ACTR3C: variants seen among roughly 807,000 people sequenced by gnomAD.
The protein encoded by ACTR3C is actin related protein 3C, also known as actin-related protein 3C.
Under a neutral mutation model 26.3 loss-of-function variants are expected in ACTR3C, and 18 were observed. That is an observed-to-expected ratio of 0.68 (90% CI 0.47 to 1.01). ACTR3C has a LOEUF of 1.01. Among genes scored for constraint, ACTR3C ranks in the 50% least tolerant of loss-of-function variants. The probability of loss-of-function intolerance (pLI) is 0.00; values close to 1 mark genes in which losing one functional copy is unlikely to be tolerated. For missense variants in ACTR3C, 184 were observed against 250.7 expected (o/e 0.73, Z 1.80); for synonymous variants, 55 against 94.5 (o/e 0.58, Z 2.42).
the ACTR3C span, among the ~76,000 whole-genome samples, chr7:149,892,867 A>G: frequency 3.2e-3 from 478 of 150,016 alleles, 4 homozygotes; most frequent in African/African-American, 0.011. Context: ...TACAGGAAGA[A>G]AAAAAGCCGT....
the ACTR3C span, among the ~76,000 whole-genome samples, chr7:150,227,688 G>GTGTTGT: frequency 9.0e-6 from 1 of 111,388 alleles, no homozygotes; most frequent in Non-Finnish European, 1.8e-5. Flanking sequence ...TTGTGTCTGG[G>GTGTTGT]TTTTTTTTTT....
chr7:150,314,138 G>C (rs1796584958), intron 1 of ACTR3C, among the ~76,000 whole-genome samples: 1 of 152,134 alleles, frequency 6.6e-6, no homozygotes, highest in South Asian at 2.1e-4. Flanking sequence ...GTGGCACTGG[G>C]GCTGTATACG....
the ACTR3C span, among the ~76,000 whole-genome samples, chr7:150,163,570 G>T: frequency 6.6e-6 from 1 of 151,468 alleles, no homozygotes; most frequent in South Asian, 2.1e-4. Flanking sequence ...TATATATATG[G>T]AGATTTATTA....
chr7:150,318,319 T>C (rs1229326984), intron 1 of ACTR3C, among the ~76,000 whole-genome samples: 2 of 152,176 alleles, frequency 1.3e-5, no homozygotes, highest in African/African-American at 4.8e-5. Flanking sequence ...ACAGAGTCTT[T>C]CCTAGAGCTT....
chr7:150,035,934 C>T, the ACTR3C span, among the ~76,000 whole-genome samples: 197 of 121,080 alleles, frequency 1.6e-3, 10 homozygotes, highest in Non-Finnish European at 1.9e-3. Flanking sequence ...CGCCCTCCTG[C>T]GATGGGGGTC....
chr7:150,119,097 T>C, the ACTR3C span, among the ~76,000 whole-genome samples: 3 of 151,946 alleles, frequency 2.0e-5, no homozygotes, highest in African/African-American at 7.3e-5. Flanking sequence ...GCACTAAATA[T>C]GGAAAGGGAA....
the ACTR3C span, among the ~76,000 whole-genome samples, chr7:150,105,332 T>C: frequency 1.3e-5 from 2 of 151,958 alleles, no homozygotes; most frequent in Non-Finnish European, 2.9e-5. Flanking sequence ...TCCACCCGCC[T>C]CGGCCTCCCA....
At chr7:150,042,886 C>T in the ACTR3C span, among the ~76,000 whole-genome samples, 1 of 150,832 alleles carries the variant, frequency 6.6e-6, no homozygotes, top group African/African-American at 2.5e-5. Context: ...TTTGTCAGAT[C>T]GGGTAGCCCC....
the ACTR3C span, among the ~76,000 whole-genome samples, chr7:150,129,805 G>A: frequency 5.3e-5 from 8 of 152,170 alleles, no homozygotes; most frequent in South Asian, 1.7e-3. Context: ...TATTCCAGGT[G>A]GATTTTCTGC....
chr7:150,307,399 G>T (rs56998970), intron 1 of ACTR3C, among the ~76,000 whole-genome samples: 45,708 of 151,978 alleles, frequency 0.3, 7,118 homozygotes, highest in East Asian at 0.41. Context: ...AACATTACAT[G>T]CCACCATTGT....
the ACTR3C span, among the ~76,000 whole-genome samples, chr7:150,125,337 G>C: frequency 6.6e-6 from 1 of 151,404 alleles, no homozygotes; most frequent in East Asian, 1.9e-4. Flanking sequence ...CCATAACAAG[G>C]AGACTTGCTA....
chr7:150,002,120 G>A, the ACTR3C span: 1 of 152,314 alleles, frequency 6.6e-6, no homozygotes, highest in African/African-American at 2.4e-5. Flanking sequence ...GTAGCCATAT[G>A]AGGACAGTGC....
chr7:150,071,027 C>T, the ACTR3C span, among the ~76,000 whole-genome samples: 1 of 150,004 alleles, frequency 6.7e-6, no homozygotes, highest in Non-Finnish European at 1.5e-5. Flanking sequence ...ATCTCCTGAC[C>T]TCATGATCCA....
chr7:150,295,555 G>T (rs1292474462), intron 1 of ACTR3C, among the ~76,000 whole-genome samples: 14 of 152,278 alleles, frequency 9.2e-5, no homozygotes, highest in Non-Finnish European at 1.6e-4. Flanking sequence ...TTCTCTGAAG[G>T]CCTCTGTTCT....
the ACTR3C span, among the ~76,000 whole-genome samples, chr7:150,033,417 T>C: frequency 2.6e-5 from 4 of 152,212 alleles, no homozygotes; most frequent in African/African-American, 9.6e-5. Context: ...TCCTTCACTG[T>C]CTTTTTTATT....
the ACTR3C span, among the ~76,000 whole-genome samples, chr7:150,144,180 C>T: frequency 1.3e-5 from 2 of 152,172 alleles, no homozygotes; most frequent in South Asian, 4.2e-4. The surrounding 1 kb of genome is among the most constrained non-coding windows in gnomAD (Gnocchi z 4.6). Flanking sequence ...CTATTAAATT[C>T]AGCAGCAATG....
the ACTR3C span, among the ~76,000 whole-genome samples, chr7:150,211,846 C>T: frequency 1.0e-4 from 15 of 150,002 alleles, no homozygotes; most frequent in African/African-American, 2.3e-4. Flanking sequence ...GAAGCTTCCA[C>T]GAGGCCCCAG....
the ACTR3C span, among the ~76,000 whole-genome samples, chr7:149,991,970 C>T: frequency 7.8e-6 from 1 of 127,542 alleles, no homozygotes; most frequent in African/African-American, 2.6e-5. Context: ...CAGCCTCAAA[C>T]CTAATCTTAC....
chr7:150,320,744 CAG>C (rs1797423079), intron 1 of ACTR3C, among the ~76,000 whole-genome samples: 1 of 152,228 alleles, frequency 6.6e-6, no homozygotes, highest in South Asian at 2.1e-4. Context: ...GCCTGGGCAA[CAG>C]AGTGAGACTC....
Sources: gnomAD v4.1 joint callset for allele counts (sites outside exome capture counted in the v4.1 genomes callset) on GRCh38, gnomAD v4.1.1 for gene constraint, Gnocchi (gnomAD v3.1) non-coding constraint, MANE v1.5 for transcripts, NCBI Gene and HGNC (gene_info 2026-07-23, HGNC 2026-07-21) for gene names.